The following CGN variants were observed in gnomAD, a reference collection of about 807,000 sequenced individuals.
CGN encodes the protein cingulin.
A neutral mutation model predicts 157.1 loss-of-function variants in CGN; 121 were observed. That is an observed-to-expected ratio of 0.77 (90% CI 0.66 to 0.90). The LOEUF (loss-of-function observed/expected upper bound fraction) is 0.90, where lower values mean the gene tolerates loss of function less well. Ranked by LOEUF, CGN falls within the 40% of genes least tolerant of loss-of-function variation. The pLI is 0.00. For missense variants in CGN, 1,424 were observed against 1,520.9 expected (o/e 0.94, Z 1.06); for synonymous variants, 535 against 607.5 (o/e 0.88, Z 1.76).
At chr1:151,536,378 T>C (rs756701816) in intron 19 of CGN, 33 bp downstream of exon 19, 1 of 1,202,522 alleles carries the variant, frequency 8.3e-7, no homozygotes, top group East Asian at 2.3e-5. Flanking sequence ...CCAAGCAACC[T>C]GGGGCAGGTA....
At chr1:151,511,052 G>A (rs1269751674), upstream of CGN, 2 of 152,288 alleles carry the variant, frequency 1.3e-5, no homozygotes, top group African/African-American at 4.8e-5. This position sits in a 1 kb window ranked among gnomAD's most constrained non-coding sequence, Gnocchi z 4.8. Context: ...GGAGTAAACG[G>A]GAGGCAGGAG....
In CGN at chr1:151,524,591, T is replaced by C; in HGVS notation, c.1402-83T>C. ...GCACCTGGTACTGTGCCTAATACGA[T>C]AAATATTTTTTGACTCAGTGAATTG... is the stretch of plus-strand genomic sequence containing the variant. On this transcript the variant is annotated intron_variant, in intron 7 of 20. Coordinates refer to ENST00000271636, the MANE Select transcript of CGN (RefSeq NM_020770.3). The surrounding 1 kb of genome is among the most constrained non-coding windows in gnomAD (Gnocchi z 4.4). 7.6e-7 allele frequency: 1 copy of C among 1,308,912 alleles called. No individual in the cohort carries two copies. Among genetic ancestry groups the C allele is most frequent in the Non-Finnish European group, 1.1e-6 (1 of 941,556 alleles). The allele number at this position is 1,308,912 out of a possible 1,614,324, so 81.1% of individuals were successfully genotyped here. A position where few individuals can be genotyped will look rare whatever the true frequency, so the allele number is the denominator to read the frequency against.
At chr1:151,523,301 A>T in intron 5 of CGN, 133 bp from the exon 6 acceptor site, 1 of 708,408 alleles carries the variant, frequency 1.4e-6, no homozygotes, top group Non-Finnish European at 2.3e-6. Context: ...TGTGGATAAT[A>T]CACATAAGGT....
chr1:151,535,563 C>A, intron 16 of CGN, 37 bp from the exon 17 acceptor site: 1 of 1,527,810 alleles, frequency 6.5e-7, no homozygotes, highest in Non-Finnish European at 9.1e-7. Flanking sequence ...CATCCTTAGC[C>A]CTCCCCAAGT....
At chr1:151,513,298 G>A (rs558088387) in intron 1 of CGN, among the ~76,000 whole-genome samples, 1 of 152,152 alleles carries the variant, frequency 6.6e-6, no homozygotes, top group Non-Finnish European at 1.5e-5. Context: ...GTTTGCAGGG[G>A]CCCAGTTCCT....
Position 151,530,101 on chromosome 1 carries a change from C to G in CGN, c.2299C>G (p.Leu767Val), listed in dbSNP as rs1270480582. The change falls in exon 12 of 21, where the codon CTG becomes GTG. Residue 767 changes from leucine to valine, a missense_variant. Physicochemically the swap from Leu to Val is conservative, Grantham distance 32. This residue lies in a region of CGN where 1,187 missense variants were observed against 1,217.6 expected (regional missense o/e 0.97). Coordinates refer to ENST00000271636, the MANE Select transcript of CGN (RefSeq NM_020770.3). The part of the protein sequence containing the change: ...EAVEARLRDK[L>V]QRLEAEKQQL... ...GGTGGAGGCACGACTACGGGACAAGCTGCAGCGGCTGGAGGTCAGTGGTTC... is the reference window on the plus strand; with the variant it reads ...GGTGGAGGCACGACTACGGGACAAGGTGCAGCGGCTGGAGGTCAGTGGTTC... The G allele has an allele frequency of 6.2e-7, 1 of 1,612,178 alleles. No individual in the cohort carries two copies. Among genetic ancestry groups the G allele is most frequent in the Non-Finnish European group, 8.5e-7 (1 of 1,178,536 alleles).
chr1:151,530,395 A>T, intron 12 of CGN, 94 bp from the exon 13 acceptor site: 2 of 1,411,144 alleles, frequency 1.4e-6, no homozygotes, highest in Non-Finnish European at 1.9e-6. Flanking sequence ...ATTTTCATAA[A>T]TACCTCCTTT....
chr1:151,529,851 TG>T, intron 11 of CGN, 57 bp from the exon 12 acceptor site: 1 of 1,517,582 alleles, frequency 6.6e-7, no homozygotes, highest in Non-Finnish European at 9.0e-7. Context: ...CCCCAAGCCC[TG>T]GGGTCTGAGC....
At chr1:151,525,966 G>A (rs1664669577) in intron 9 of CGN, among the ~76,000 whole-genome samples, 176 bp downstream of exon 9, 1 of 152,058 alleles carries the variant, frequency 6.6e-6, no homozygotes, top group Non-Finnish European at 1.5e-5. Flanking sequence ...TCTGCCTCCT[G>A]AGTTGAACAG....
rs1664628903 is a variant in CGN at position 151,524,706 on chromosome 1, G to A, written c.1434G>A (p.Glu478=). 6.2e-7 allele frequency: 1 copy of A among 1,609,570 alleles called. No homozygotes were observed. Among genetic ancestry groups the A allele is most frequent in the African/African-American group, 1.3e-5 (1 of 74,498 alleles). The change falls in exon 8 of 21, where the codon GAG becomes GAA. Residue 478 remains glutamate, a synonymous_variant. Coordinates refer to ENST00000271636, the MANE Select transcript of CGN (RefSeq NM_020770.3). The surrounding 1 kb of genome is among the most constrained non-coding windows in gnomAD (Gnocchi z 4.4). ...TAGAGACCCGGGAACTTCTGGAAGA[G>A]GTCTTGGAGGGGAAACAGCGAGTAG... The part of the protein sequence containing the change: ...DLLETRELLE[E]VLEGKQRVEE...
Position 151,520,151 on chromosome 1 carries a change from C to CTT in CGN, c.874-7_874-6dup. On this transcript the variant is annotated splice_polypyrimidine_tract_variant and intron_variant, in intron 2 of 20. Coordinates refer to ENST00000271636, the MANE Select transcript of CGN (RefSeq NM_020770.3). ...CTTTCTTTCTTTTTTTTTTCTTTTT[C>CTT]TTTTTTTTTAACAGTTCAAATCAAC... is the stretch of plus-strand genomic sequence containing the variant. 6.6e-7 allele frequency: 1 copy of CTT among 1,516,734 alleles called. No homozygotes were observed. The highest frequency in any genetic ancestry group is 1.2e-5 in the South Asian group (1 of 81,372). The allele number at this position is 1,516,734 out of a possible 1,614,324, so 94.0% of individuals were successfully genotyped here.
rs1469151622 is a variant in CGN at position 151,520,471 on chromosome 1, G to C, written c.1032G>C (p.Met344Ile). ...AGGTTAGTTTGGTGCTGGAGAAGAT[G>C]CAGCCTCTAGTGGTGAGTGGCCTTC... ...RRKVSLVLEK[M>I]QPLVMVSSGS... The change falls in exon 4 of 21, where the codon ATG becomes ATC. Residue 344 changes from methionine to isoleucine, a missense_variant. Transcript: ENST00000271636. 1 of 1,613,966 alleles carries C rather than the reference G, an allele frequency of 6.2e-7. No homozygotes were observed. Among genetic ancestry groups the C allele is most frequent in the Admixed American group, 1.7e-5 (1 of 60,000 alleles).
chr1:151,521,366 G>T (rs1451523307), intron 5 of CGN, among the ~76,000 whole-genome samples: 1 of 152,232 alleles, frequency 6.6e-6, no homozygotes, highest in Non-Finnish European at 1.5e-5. Flanking sequence ...GTGATTGGCT[G>T]TGGAGCCAAA....
chr1:151,520,736 A>G (rs761201111), intron 5 of CGN, 45 bp downstream of exon 5: 13 of 1,529,870 alleles, frequency 8.5e-6, no homozygotes, highest in Non-Finnish European at 1.2e-5. Context: ...GAAAACAGGG[A>G]AAAAGCCTTG....
At chr1:151,533,287 C>G (rs373572368) in intron 14 of CGN, among the ~76,000 whole-genome samples, 1 of 151,670 alleles carries the variant, frequency 6.6e-6, no homozygotes, top group Non-Finnish European at 1.5e-5. Context: ...ACCAGCCTGG[C>G]CAACATGGTG....
intron 1 of CGN, among the ~76,000 whole-genome samples, chr1:151,517,171 A>G (rs1388380936): frequency 6.6e-6 from 1 of 151,970 alleles, no homozygotes; most frequent in Non-Finnish European, 1.5e-5. Context: ...AAAAAACACA[A>G]CCTTTTCTTG....
intron 16 of CGN, 53 bp downstream of exon 16, chr1:151,535,184 G>A (rs1664941812): frequency 1.4e-6 from 2 of 1,387,178 alleles, no homozygotes; most frequent in Admixed American, 1.8e-5. Flanking sequence ...TCACCTCTTG[G>A]TTCTCTCAAA....
In CGN at chr1:151,537,513, T is replaced by A; in HGVS notation, c.*167T>A. ...GATAAAAAAAAAAAATCATCAGCAA[T>A]AAGCTGATAGATGGACTTTCCACTG... On this transcript the variant is annotated 3_prime_UTR_variant, in exon 21 of 21. Transcript: ENST00000271636. 1.9e-6 allele frequency: 1 copy of A among 537,328 alleles called. No individual in the cohort carries two copies. Among genetic ancestry groups the A allele is most frequent in the Non-Finnish European group, 3.2e-6 (1 of 311,390 alleles). 33.3% of individuals were successfully genotyped at this position (537,328 alleles called of 1,614,324 possible).
rs968020945 is a variant in CGN at position 151,529,516 on chromosome 1, A to G, written c.2063A>G (p.Lys688Arg). ...ELEEQNLQLQ[K>R]TLQQLRQDCE... ...GAAGAACAGAACCTCCAGCTACAAA[A>G]GACCCTCCAGCAACTGCGACAGGAC... The change falls in exon 11 of 21, where the codon AAG becomes AGG. Residue 688 changes from lysine (K) to arginine (R), a missense_variant. Lys to Arg is a conservative substitution (Grantham distance 26, BLOSUM62 2). Around this residue, in one of 3 missense-constraint regions of CGN, gnomAD observed 1,187 missense variants for 1,217.6 expected, o/e 0.97. Transcript: ENST00000271636. 5.6e-6 allele frequency: 9 copies of G among 1,613,840 alleles called. No homozygotes were observed. The African/African-American group carries it at 1.2e-4, about 22-fold the overall frequency.
Sources: gnomAD v4.1 joint callset for allele counts (sites outside exome capture counted in the v4.1 genomes callset) on GRCh38, gnomAD v4.1.1 for gene constraint, gnomAD v4.1.1 regional missense constraint, Gnocchi (gnomAD v3.1) non-coding constraint, MANE v1.5 for transcripts, NCBI Gene and HGNC (gene_info 2026-07-23, HGNC 2026-07-21) for gene names.